Variants in TXLNB observed in about 807,000 individuals in gnomAD.
The protein encoded by TXLNB is taxilin beta.
TXLNB carries 37 observed loss-of-function variants against 57.4 expected under a neutral mutation model. The observed-to-expected ratio is 0.64, with a 90% CI of 0.50 to 0.85. The LOEUF is 0.85. Ranked by LOEUF, TXLNB falls within the 40% of genes least tolerant of loss-of-function variation. The pLI is 0.00. For missense variants in TXLNB, 848 were observed against 825.6 expected (o/e 1.03, Z -0.33); for synonymous variants, 302 against 309.6 (o/e 0.98, Z 0.26).
chr6:139,246,566 A>G (rs1274499552), intron 8 of TXLNB, among the ~76,000 whole-genome samples: 2 of 152,206 alleles, frequency 1.3e-5, no homozygotes, highest in African/African-American at 4.8e-5. Context: ...AAATGTATTA[A>G]TTTAACTTCA....
chr6:139,176,924 G>A, the TXLNB span: 1 of 862,152 alleles, frequency 1.2e-6, no homozygotes, highest in Non-Finnish European at 2.0e-6. The surrounding 1 kb of genome is among the most constrained non-coding windows in gnomAD (Gnocchi z 4.5). Flanking sequence ...GTGGCTGATG[G>A]TGTCTGTTTC....
chr6:139,243,451 A>T, intron 9 of TXLNB, 137 bp from the exon 10 acceptor site: 1 of 743,828 alleles, frequency 1.3e-6, no homozygotes, highest in Non-Finnish European at 2.1e-6. Context: ...CTGGCTACAG[A>T]GTAGGGGCTG....
At chr6:139,195,597 A>G in the TXLNB span, among the ~76,000 whole-genome samples, 2 of 152,230 alleles carry the variant, frequency 1.3e-5, no homozygotes, top group African/African-American at 4.8e-5. Flanking sequence ...ACAGATTTAC[A>G]TGAGGTCCAT....
At chr6:139,305,205 T>C in the TXLNB span, among the ~76,000 whole-genome samples, 1 of 152,194 alleles carries the variant, frequency 6.6e-6, no homozygotes, top group Non-Finnish European at 1.5e-5. Context: ...ACTTTGGTAG[T>C]GGTAGTCCAG....
Position 139,242,660 on chromosome 6 carries a change from C to G in TXLNB, c.1921G>C (p.Val641Leu), listed in dbSNP as rs764882772. ...TCGCATGCAGGCACCATGGCTGCAA[C>G]GTGCTCTTCTGCTGCGCATGCTGGA... ...PAPACAAEEH[V>L]AAMVPACEPS... Residue 641 changes from valine (V) to leucine (L), a missense_variant, in exon 10 of 10, where the codon GTT becomes CTT. Coordinates refer to ENST00000358430, the MANE Select transcript of TXLNB (RefSeq NM_153235.4). 2.5e-6 allele frequency: 4 copies of G among 1,610,200 alleles called. No homozygotes were observed. The highest frequency in any genetic ancestry group is 3.4e-6 in the Non-Finnish European group (4 of 1,178,332).
chr6:139,219,133 A>T, the TXLNB span, among the ~76,000 whole-genome samples: 1 of 152,318 alleles, frequency 6.6e-6, no homozygotes, highest in Non-Finnish European at 1.5e-5. Flanking sequence ...TTCTCACTGA[A>T]GTGGGATACA....
At chr6:139,252,993 AAAAC>A (rs1280586808) in intron 7 of TXLNB, among the ~76,000 whole-genome samples, 2 of 152,200 alleles carry the variant, frequency 1.3e-5, no homozygotes, top group African/African-American at 2.4e-5. Flanking sequence ...CACCGTCTCA[AAAAC>A]AAACAAAAAA....
In TXLNB at chr6:139,247,804, A is replaced by G. The variant is rs1265740576; in HGVS notation, c.1170+13T>C. 1.3e-6 allele frequency: 2 copies of G among 1,566,402 alleles called. No individual in the cohort carries two copies. Among genetic ancestry groups the G allele is most frequent in the Non-Finnish European group, 1.7e-6 (2 of 1,148,666 alleles). On this transcript the variant is annotated intron_variant, in intron 8 of 9. Coordinates refer to ENST00000358430, the MANE Select transcript of TXLNB (RefSeq NM_153235.4). ...AAAATGTCAATATTTTGTTGGTGATAAGCAATACTCACTTTGTCCATTTCC... is the reference window on the plus strand; with the variant it reads ...AAAATGTCAATATTTTGTTGGTGATGAGCAATACTCACTTTGTCCATTTCC...
chr6:139,166,087 C>A, the TXLNB span: 1 of 530,878 alleles, frequency 1.9e-6, no homozygotes, highest in Non-Finnish European at 3.3e-6. Flanking sequence ...TTAGAGATTC[C>A]ACCAGACTGG....
chr6:139,282,497 A>G (rs1217289458), intron 2 of TXLNB, among the ~76,000 whole-genome samples: 2 of 145,126 alleles, frequency 1.4e-5, no homozygotes, highest in Non-Finnish European at 3.1e-5. Flanking sequence ...GAATCGCTTG[A>G]ACCTGGGAGG....
At chr6:139,214,173 A>C in the TXLNB span, among the ~76,000 whole-genome samples, 1 of 151,728 alleles carries the variant, frequency 6.6e-6, no homozygotes, top group African/African-American at 2.4e-5. Flanking sequence ...GAGACACAAC[A>C]AAAAAAGAGA....
At chr6:139,174,265 A>G in the TXLNB span, 7 of 1,177,810 alleles carry the variant, frequency 5.9e-6, no homozygotes, top group Non-Finnish European at 4.7e-6. Context: ...TTTTCTTTTT[A>G]TATTTATCCA....
the TXLNB span, among the ~76,000 whole-genome samples, chr6:139,313,233 C>T: frequency 6.6e-6 from 1 of 151,954 alleles, no homozygotes; most frequent in Admixed American, 6.6e-5. Flanking sequence ...CCACCATGCC[C>T]GGCTAATTTT....
At chr6:139,217,864 CA>C in the TXLNB span, among the ~76,000 whole-genome samples, 6,228 of 52,004 alleles carry the variant, frequency 0.12, 167 homozygotes, top group African/African-American at 0.26. Context: ...GCAAGAGTCT[CA>C]AAAAAAAAAA....
the TXLNB span, among the ~76,000 whole-genome samples, chr6:139,227,974 G>C: frequency 6.6e-6 from 1 of 152,204 alleles, no homozygotes; most frequent in South Asian, 2.1e-4. Context: ...GGTTACATGT[G>C]AGAATTCACT....
chr6:139,319,028 A>G, the TXLNB span, among the ~76,000 whole-genome samples: 3 of 142,654 alleles, frequency 2.1e-5, no homozygotes, highest in Non-Finnish European at 3.0e-5. Context: ...CTGCAACCTC[A>G]GCCTGCTGGG....
At chr6:139,296,361 T>G (rs1453162763), upstream of TXLNB, among the ~76,000 whole-genome samples, 1 of 152,322 alleles carries the variant, frequency 6.6e-6, no homozygotes, top group Non-Finnish European at 1.5e-5. Context: ...TATTTTCCCC[T>G]GTCTTTTAGT....
chr6:139,212,574 C>G, the TXLNB span, among the ~76,000 whole-genome samples: 1 of 150,196 alleles, frequency 6.7e-6, no homozygotes, highest in Non-Finnish European at 1.5e-5. Flanking sequence ...CATCAACTAA[C>G]GAGCAAAATA....
chr6:139,176,555 A>G, the TXLNB span, among the ~76,000 whole-genome samples: 1 of 152,168 alleles, frequency 6.6e-6, no homozygotes, highest in African/African-American at 2.4e-5. The surrounding 1 kb of genome is among the most constrained non-coding windows in gnomAD (Gnocchi z 4.5). Flanking sequence ...TTTTACATCA[A>G]AGAAAACGCA....
Sources: allele counts gnomAD v4.1 joint callset (sites outside exome capture counted in the v4.1 genomes callset), GRCh38; gene constraint gnomAD v4.1.1; non-coding constraint Gnocchi (gnomAD v3.1); transcripts MANE v1.5; gene names NCBI Gene and HGNC (gene_info 2026-07-23, HGNC 2026-07-21).